YAF2: variants seen among roughly 807,000 people sequenced by gnomAD.
YAF2 encodes YY1 associated factor 2, also known as YY1-associated factor 2.
A neutral mutation model predicts 20.1 loss-of-function variants in YAF2; 7 were observed. The ratio of observed to expected loss-of-function variants is 0.35; its 90% confidence interval spans 0.20 to 0.65. The LOEUF (loss-of-function observed/expected upper bound fraction) is 0.65, where lower values mean the gene tolerates loss of function less well. Ranked by LOEUF, YAF2 falls within the 30% of genes least tolerant of loss-of-function variation. The probability of loss-of-function intolerance (pLI) is 0.69; values close to 1 mark genes in which losing one functional copy is unlikely to be tolerated. For missense variants in YAF2, 151 were observed against 219.2 expected, an observed-to-expected ratio of 0.69 and a Z score of 1.96; for synonymous variants, 74 against 76.0, an observed-to-expected ratio of 0.97 and a Z score of 0.14.
At chr12:42,166,995 C>T (rs1239067973) in intron 2 of YAF2, among the ~76,000 whole-genome samples, 2 of 151,726 alleles carry the variant, frequency 1.3e-5, no homozygotes, top group Non-Finnish European at 2.9e-5. Context: ...CTTTTTAATA[C>T]AGTTGGAAAT....
chr12:42,193,208 G>A (rs1245011001), intron 2 of YAF2, among the ~76,000 whole-genome samples: 3 of 151,566 alleles, frequency 2.0e-5, no homozygotes, highest in African/African-American at 4.9e-5. Flanking sequence ...CCACCTACTC[G>A]GGAGGCTGAG....
chr12:42,217,869 G>A (rs2067401397), intron 2 of YAF2, among the ~76,000 whole-genome samples: 1 of 152,178 alleles, frequency 6.6e-6, no homozygotes, highest in African/African-American at 2.4e-5. Flanking sequence ...TTAGCCTTCA[G>A]AGATGAAGCC....
At chr12:42,191,201 C>T (rs1359926195) in intron 2 of YAF2, among the ~76,000 whole-genome samples, 1 of 152,106 alleles carries the variant, frequency 6.6e-6, no homozygotes, top group East Asian at 1.9e-4. Context: ...CTCTCTTCTT[C>T]CCTGAATTTA....
intron 2 of YAF2, among the ~76,000 whole-genome samples, chr12:42,189,954 G>A (rs1468681195): frequency 6.6e-6 from 1 of 152,136 alleles, no homozygotes; most frequent in Non-Finnish European, 1.5e-5. Context: ...AAGCAGCTAC[G>A]TTTAATTCTG....
intron 2 of YAF2, among the ~76,000 whole-genome samples, chr12:42,177,970 T>C (rs751345321): frequency 6.6e-6 from 1 of 152,106 alleles, no homozygotes; most frequent in Non-Finnish European, 1.5e-5. Context: ...TAATAGTTTA[T>C]CATCTGTTTT....
intron 2 of YAF2, among the ~76,000 whole-genome samples, chr12:42,215,454 A>T (rs1422764599): frequency 6.6e-6 from 1 of 152,242 alleles, no homozygotes; most frequent in Non-Finnish European, 1.5e-5. Context: ...CTTCAGAGAT[A>T]GCTGTTACTT....
In YAF2 at chr12:42,224,774, C is replaced by T. The variant is rs1053257393; in HGVS notation, c.152+12825G>A. Among the ~76,000 whole-genome samples the T allele has an allele frequency of 5.3e-5, 8 of 152,292 alleles. 1 individual carries two copies. In the South Asian group the frequency reaches 1.2e-3, roughly 24 times the overall value. ...GCCACATTTTCTTTATCCAGTCTATCATTGATGGGCATTTGGGTTGGTTCC... is the reference window on the plus strand; with the variant it reads ...GCCACATTTTCTTTATCCAGTCTATTATTGATGGGCATTTGGGTTGGTTCC... On this transcript the variant is annotated intron_variant, in intron 2 of 3. Transcript: ENST00000534854.
chr12:42,225,131 G>A (rs550909410), intron 2 of YAF2, among the ~76,000 whole-genome samples: 1 of 152,200 alleles, frequency 6.6e-6, no homozygotes, highest in East Asian at 1.9e-4. Context: ...GACCAGTGAT[G>A]AGTTTTTCAC....
At chr12:42,163,656 T>C (rs550103242) in intron 2 of YAF2, among the ~76,000 whole-genome samples, 1 of 152,356 alleles carries the variant, frequency 6.6e-6, no homozygotes, top group East Asian at 1.9e-4. Flanking sequence ...AAGATTATGA[T>C]TTTGTACCTC....
intron 2 of YAF2, among the ~76,000 whole-genome samples, chr12:42,194,561 C>T (rs1360817609): frequency 1.3e-5 from 2 of 152,112 alleles, no homozygotes; most frequent in African/African-American, 4.8e-5. Flanking sequence ...GGAGAATCAC[C>T]TGAAACCAGG....
chr12:42,174,713 G>A (rs1430947780), intron 2 of YAF2, among the ~76,000 whole-genome samples: 1 of 152,132 alleles, frequency 6.6e-6, no homozygotes, highest in Non-Finnish European at 1.5e-5. Context: ...TCGGTTTTAA[G>A]TATCATCTGT....
rs1246315792 is a variant in YAF2, at chr12:42,227,047, C to T, written c.152+10552G>A. On this transcript the variant is annotated intron_variant, in intron 2 of 3. Coordinates refer to ENST00000534854, the MANE Select transcript of YAF2 (RefSeq NM_005748.6). ...TGCAGATATGAAGCGGAGCCGCTGC[C>T]GCGACCGACCGCAGCCGCCGCCGCC... Among the ~76,000 whole-genome samples, 1,277 of 144,590 alleles carry T rather than the reference C, an allele frequency of 8.8e-3. 13 individuals carry two copies. The highest frequency in any genetic ancestry group is 0.031 in the African/African-American group (1,194 of 38,868). The allele number at this position is 144,590 out of a possible 152,430, so 94.9% of individuals were successfully genotyped here. A position where few individuals can be genotyped will look rare whatever the true frequency, so the allele number is the denominator to read the frequency against.
At chr12:42,235,569 G>A (rs1029112551) in intron 2 of YAF2, 32 of 1,399,760 alleles carry the variant, frequency 2.3e-5, no homozygotes, top group Non-Finnish European at 2.9e-5. Flanking sequence ...AGAATTCAGA[G>A]AGAGGAAGGA....
chr12:42,232,293 C>T (rs1331146918), intron 2 of YAF2: 18 of 502,978 alleles, frequency 3.6e-5, no homozygotes, highest in Non-Finnish European at 4.1e-5. Flanking sequence ...TGCACCATCA[C>T]AGTGAAAAAG....
chr12:42,205,913 T>G, intron 2 of YAF2: 1 of 402,708 alleles, frequency 2.5e-6, no homozygotes, highest in South Asian at 1.8e-5. Context: ...TTTTGTAATT[T>G]CCATTTTTTT....
intron 2 of YAF2, chr12:42,235,751 A>T (rs1216866692): frequency 2.6e-6 from 4 of 1,535,164 alleles, no homozygotes; most frequent in Non-Finnish European, 3.5e-6. Flanking sequence ...AAGAGCTTAG[A>T]TGTACTGGTA....
intron 2 of YAF2, among the ~76,000 whole-genome samples, chr12:42,209,931 T>A (rs1337214137): frequency 6.6e-6 from 1 of 152,154 alleles, no homozygotes; most frequent in African/African-American, 2.4e-5. Flanking sequence ...CCCGAATAGC[T>A]GGGATTACAA....
intron 2 of YAF2, among the ~76,000 whole-genome samples, chr12:42,223,957 G>A (rs1477415257): frequency 6.6e-6 from 1 of 151,952 alleles, no homozygotes; most frequent in Non-Finnish European, 1.5e-5. Context: ...ATGGGTTGAT[G>A]GATGGAGCAA....
intron 2 of YAF2, among the ~76,000 whole-genome samples, chr12:42,213,517 C>A (rs1480291165): frequency 2.0e-5 from 3 of 152,270 alleles, no homozygotes; most frequent in Admixed American, 6.5e-5. Context: ...AAAACAATGA[C>A]AAATTTTTCC....
Sources: gnomAD v4.1 joint callset for allele counts (sites outside exome capture counted in the v4.1 genomes callset) on GRCh38, gnomAD v4.1.1 for gene constraint, MANE v1.5 for transcripts, NCBI Gene and HGNC (gene_info 2026-07-23, HGNC 2026-07-21) for gene names.